AUTS2: variants seen among roughly 807,000 people sequenced by gnomAD.
AUTS2 encodes the protein autism susceptibility gene 2 protein.
A neutral mutation model predicts 112.4 loss-of-function variants in AUTS2; 17 were observed. The observed-to-expected ratio is 0.15, with a 90% CI of 0.10 to 0.23. The LOEUF (loss-of-function observed/expected upper bound fraction) is 0.23. Ranked by LOEUF, AUTS2 falls within the 10% of genes least tolerant of loss-of-function variation. The pLI is 1.00. For synonymous variants in AUTS2, 751 were observed against 702.7 expected (o/e 1.07, Z -1.09); for missense variants, 1,510 against 1,701.6 (o/e 0.89, Z 1.98).
intron 1 of AUTS2, among the ~76,000 whole-genome samples, chr7:69,890,784 A>C (rs557282604): frequency 6.6e-6 from 1 of 152,268 alleles, no homozygotes; most frequent in Non-Finnish European, 1.5e-5. Flanking sequence ...CGTGTTCACA[A>C]CTGAGTTGTC....
chr7:70,643,759 C>G (rs58585517), intron 5 of AUTS2, among the ~76,000 whole-genome samples: 45,216 of 152,028 alleles, frequency 0.3, 7,082 homozygotes, highest in Non-Finnish European at 0.35. Flanking sequence ...TCTCTGATCT[C>G]TCTCTTTCCC....
chr7:70,313,077 G>A (rs1789834569), intron 4 of AUTS2, among the ~76,000 whole-genome samples: 1 of 152,164 alleles, frequency 6.6e-6, no homozygotes, highest in African/African-American at 2.4e-5. Flanking sequence ...CTACTTGGGA[G>A]AAACTGCAGA....
chr7:69,879,413 G>A (rs1190997506), intron 1 of AUTS2, among the ~76,000 whole-genome samples: 1 of 151,632 alleles, frequency 6.6e-6, no homozygotes, highest in East Asian at 1.9e-4. Context: ...GCCTCCCAAA[G>A]TGGTGGGATT....
At chr7:70,134,194 G>C (rs1241546330) in intron 3 of AUTS2, among the ~76,000 whole-genome samples, 6 of 152,164 alleles carry the variant, frequency 3.9e-5, no homozygotes, top group African/African-American at 1.4e-4. Flanking sequence ...CAGCAAGTCA[G>C]GGAGGCAAGC....
chr7:70,345,208 G>A (rs1791440689), intron 4 of AUTS2, among the ~76,000 whole-genome samples: 2 of 152,162 alleles, frequency 1.3e-5, no homozygotes, highest in African/African-American at 4.8e-5. Context: ...AAAATCTCAA[G>A]ATTGGGTGAC....
chr7:70,347,033 C>A (rs1392175321), intron 4 of AUTS2, among the ~76,000 whole-genome samples: 2 of 152,194 alleles, frequency 1.3e-5, no homozygotes, highest in Non-Finnish European at 2.9e-5. Flanking sequence ...TGGCTCTGTG[C>A]ATGACTGTTT....
chr7:69,942,811 A>G (rs754625829), intron 2 of AUTS2, among the ~76,000 whole-genome samples: 8 of 152,252 alleles, frequency 5.3e-5, no homozygotes, highest in Admixed American at 6.5e-5. Context: ...GTCTAAAGCT[A>G]TCAGTCAGCT....
intron 1 of AUTS2, among the ~76,000 whole-genome samples, chr7:69,871,362 A>T (rs2129535638): frequency 6.6e-6 from 1 of 152,168 alleles, no homozygotes; most frequent in Middle Eastern, 3.4e-3. Context: ...ACCATAACAC[A>T]CTTATAGGGT....
At chr7:70,238,011 A>C (rs1812415585) in intron 4 of AUTS2, among the ~76,000 whole-genome samples, 1 of 152,226 alleles carries the variant, frequency 6.6e-6, no homozygotes, top group African/African-American at 2.4e-5. Context: ...TGCAAGTCCC[A>C]AAGAGAACTT....
intron 6 of AUTS2, among the ~76,000 whole-genome samples, chr7:70,721,937 C>T (rs1427974259): frequency 6.6e-6 from 1 of 152,046 alleles, no homozygotes; most frequent in Non-Finnish European, 1.5e-5. Flanking sequence ...ATCATACCTC[C>T]GAAAGTTAGC....
intron 4 of AUTS2, among the ~76,000 whole-genome samples, chr7:70,252,474 G>GGAT (rs1382872542): frequency 1.3e-5 from 2 of 151,916 alleles, no homozygotes; most frequent in African/African-American, 2.4e-5. Context: ...TGAGTTATTT[G>GGAT]AGTTCCTTAT....
In AUTS2 at chr7:70,160,932, A is replaced by G. The variant is rs1808043251; in HGVS notation, c.660+26361A>G. ...TAAATGAAGACATTTGTGGAAGGGAATGATTGTAAATTGCATGCAAATTTC... is the reference window on the plus strand; with the variant it reads ...TAAATGAAGACATTTGTGGAAGGGAGTGATTGTAAATTGCATGCAAATTTC... On this transcript the variant is annotated intron_variant, in intron 4 of 18. Coordinates refer to ENST00000342771, the MANE Select transcript of AUTS2 (RefSeq NM_015570.4). Among the ~76,000 whole-genome samples, 8 of 152,334 alleles carry G rather than the reference A, an allele frequency of 5.3e-5. No individual in the cohort carries two copies. In the South Asian group the frequency reaches 1.7e-3, roughly 32 times the overall value.
At chr7:69,834,579 C>G (rs142433242) in intron 1 of AUTS2, among the ~76,000 whole-genome samples, 1 of 152,340 alleles carries the variant, frequency 6.6e-6, no homozygotes, top group African/African-American at 2.4e-5. Context: ...ACTACCTGCT[C>G]TGGTGTGTTA....
chr7:70,472,485 G>A (rs1381208506), intron 5 of AUTS2, among the ~76,000 whole-genome samples: 3 of 151,856 alleles, frequency 2.0e-5, no homozygotes, highest in African/African-American at 7.3e-5. Context: ...GGGGGAACAT[G>A]GAGAATTAGA....
chr7:70,608,719 C>T (rs1803915904), intron 5 of AUTS2, among the ~76,000 whole-genome samples: 1 of 152,074 alleles, frequency 6.6e-6, no homozygotes, highest in African/African-American at 2.4e-5. Context: ...GGACAATCCC[C>T]TGGTGTACTG....
chr7:70,461,501 T>C (rs1796961889), intron 5 of AUTS2, among the ~76,000 whole-genome samples: 1 of 152,176 alleles, frequency 6.6e-6, no homozygotes, highest in Non-Finnish European at 1.5e-5. Context: ...CCCACCATTT[T>C]CCTCTTAGGT....
intron 4 of AUTS2, among the ~76,000 whole-genome samples, chr7:70,271,462 G>C (rs564144002): frequency 4.6e-5 from 7 of 151,750 alleles, no homozygotes; most frequent in African/African-American, 1.7e-4. Context: ...GTTGTTTCTG[G>C]GGGTATTATT....
At chr7:70,339,714 C>T (rs1448991835) in intron 4 of AUTS2, among the ~76,000 whole-genome samples, 1 of 152,122 alleles carries the variant, frequency 6.6e-6, no homozygotes, top group East Asian at 1.9e-4. Flanking sequence ...ACATGTTTGA[C>T]TGATTTAAGT....
At chr7:70,467,215 C>G (rs1040813282) in intron 5 of AUTS2, among the ~76,000 whole-genome samples, 3 of 152,246 alleles carry the variant, frequency 2.0e-5, no homozygotes, top group Non-Finnish European at 2.9e-5. Context: ...GAGGTAGATT[C>G]ACCCAGGCTA....
Sources: gnomAD v4.1 joint callset for allele counts (sites outside exome capture counted in the v4.1 genomes callset) on GRCh38, gnomAD v4.1.1 for gene constraint, MANE v1.5 for transcripts, NCBI Gene and HGNC (gene_info 2026-07-23, HGNC 2026-07-21) for gene names.